WWOX: variants seen among roughly 807,000 people sequenced by gnomAD.
WWOX encodes the protein WW domain-containing oxidoreductase.
In WWOX, 69 loss-of-function variants were observed where a neutral mutation model predicts 46.2. The ratio of observed to expected loss-of-function variants is 1.49; its 90% CI spans 1.23 to 1.82. WWOX has a LOEUF of 1.82. Ranked by LOEUF, WWOX falls within the 40% of genes most tolerant of loss-of-function variation. The pLI is 0.00. For synonymous variants in WWOX, 359 were observed against 202.6 expected (o/e 1.77, Z -6.56); for missense variants, 919 against 542.6 (o/e 1.69, Z -6.89).
chr16:78,204,706 G>C (rs1027700895), intron 5 of WWOX, among the ~76,000 whole-genome samples: 2 of 152,114 alleles, frequency 1.3e-5, no homozygotes, highest in East Asian at 3.9e-4. Context: ...CTGCACAATC[G>C]GAGAGGCAGG....
intron 8 of WWOX, among the ~76,000 whole-genome samples, chr16:78,987,989 A>G (rs1314464375): frequency 6.6e-6 from 1 of 152,030 alleles, no homozygotes; most frequent in Non-Finnish European, 1.5e-5. Flanking sequence ...AAGAAATTTT[A>G]ATAACAAAGG....
At chr16:78,600,211 C>G (rs2045588777) in intron 8 of WWOX, among the ~76,000 whole-genome samples, 1 of 151,948 alleles carries the variant, frequency 6.6e-6, no homozygotes, top group East Asian at 1.9e-4. Flanking sequence ...CCACCGGGGC[C>G]CTCCCACAAC....
At chr16:78,130,694 A>G (rs752282256) in intron 4 of WWOX, among the ~76,000 whole-genome samples, 4 of 152,244 alleles carry the variant, frequency 2.6e-5, no homozygotes, top group Non-Finnish European at 5.9e-5. Context: ...TATTGGACTC[A>G]CTGGCTCATA....
chr16:78,840,964 A>C (rs2052125691), intron 8 of WWOX, among the ~76,000 whole-genome samples: 1 of 152,064 alleles, frequency 6.6e-6, no homozygotes, highest in Non-Finnish European at 1.5e-5. Context: ...AAATTTGGAA[A>C]GGCATTTTGG....
intron 8 of WWOX, among the ~76,000 whole-genome samples, chr16:79,177,205 C>T (rs973072918): frequency 6.6e-6 from 1 of 152,132 alleles, no homozygotes; most frequent in Non-Finnish European, 1.5e-5. Context: ...AGAGACGTGG[C>T]AACTGACACA....
At chr16:78,286,807 T>G (rs1308578264) in intron 5 of WWOX, among the ~76,000 whole-genome samples, 1 of 85,248 alleles carries the variant, frequency 1.2e-5, no homozygotes, top group African/African-American at 4.7e-5. Flanking sequence ...CATAGAAAAG[T>G]TAAAGCTGTC....
At position 79,210,963 on chromosome 16, in the gene WWOX, A is replaced by G. The variant is rs1015386683; in HGVS notation, c.1057-645A>G. ...ATCTGGGTCAAATATGACATTTAGA[A>G]AAAGGTTTTCATGGGATCTGGATGA... On this transcript the variant is annotated intron_variant, in intron 8 of 8. Transcript: ENST00000566780. Among the ~76,000 whole-genome samples, 6 of 152,208 alleles carry G rather than the reference A, an allele frequency of 3.9e-5. No individual in the cohort carries two copies. The East Asian group carries it at 1.2e-3, about 29-fold the overall frequency.
At chr16:78,962,795 T>C (rs2046295974) in intron 8 of WWOX, among the ~76,000 whole-genome samples, 1 of 152,192 alleles carries the variant, frequency 6.6e-6, no homozygotes, top group African/African-American at 2.4e-5. Context: ...TGTTCCCCTT[T>C]CTAAGCAAGA....
At chr16:78,395,611 A>G (rs1272276632) in intron 6 of WWOX, among the ~76,000 whole-genome samples, 1 of 152,184 alleles carries the variant, frequency 6.6e-6, no homozygotes, top group African/African-American at 2.4e-5. Flanking sequence ...CTGACAACCA[A>G]GAGAAGAAGG....
chr16:79,026,925 G>A (rs916823224), intron 8 of WWOX, among the ~76,000 whole-genome samples: 2 of 151,252 alleles, frequency 1.3e-5, no homozygotes, highest in African/African-American at 4.9e-5. Flanking sequence ...CACCACGCCT[G>A]GGCGGCACGT....
intron 8 of WWOX, among the ~76,000 whole-genome samples, chr16:79,095,071 C>G (rs202129670): frequency 1.3e-5 from 2 of 152,184 alleles, no homozygotes; most frequent in Non-Finnish European, 2.9e-5. Flanking sequence ...CTCACAATTT[C>G]TTGGATATTC....
At chr16:78,786,186 A>G (rs1004499184) in intron 8 of WWOX, among the ~76,000 whole-genome samples, 1 of 152,222 alleles carries the variant, frequency 6.6e-6, no homozygotes, top group African/African-American at 2.4e-5. Flanking sequence ...CTGGGATTAC[A>G]GGCGTGAGCC....
At chr16:78,664,016 G>T (rs1476155207) in intron 8 of WWOX, among the ~76,000 whole-genome samples, 1 of 152,170 alleles carries the variant, frequency 6.6e-6, no homozygotes, top group Non-Finnish European at 1.5e-5. Context: ...TTGGGAGGTG[G>T]TAAGCAAACA....
intron 8 of WWOX, among the ~76,000 whole-genome samples, chr16:78,437,723 G>C (rs920143402): frequency 1.3e-5 from 2 of 152,144 alleles, no homozygotes; most frequent in Non-Finnish European, 2.9e-5. Context: ...TTCTAAAAAA[G>C]ATGCAATATA....
chr16:78,639,877 C>G (rs996666707), intron 8 of WWOX, among the ~76,000 whole-genome samples: 1 of 151,938 alleles, frequency 6.6e-6, no homozygotes, highest in Non-Finnish European at 1.5e-5. Context: ...AGATTGGCTT[C>G]TGTGTGAGGA....
intron 8 of WWOX, among the ~76,000 whole-genome samples, chr16:78,634,766 G>A (rs976684666): frequency 6.7e-6 from 1 of 150,336 alleles, no homozygotes; most frequent in Non-Finnish European, 1.5e-5. Context: ...TCATCTGGAC[G>A]GAATGAAGCT....
At chr16:78,473,876 ATTC>A (rs2084293193) in intron 8 of WWOX, among the ~76,000 whole-genome samples, 1 of 152,186 alleles carries the variant, frequency 6.6e-6, no homozygotes, top group African/African-American at 2.4e-5. Flanking sequence ...ACACGCTGCC[ATTC>A]TTCTTCGCCG....
intron 4 of WWOX, among the ~76,000 whole-genome samples, chr16:78,121,219 G>A (rs778155408): frequency 1.3e-5 from 2 of 152,078 alleles, no homozygotes; most frequent in Admixed American, 6.6e-5. Context: ...TGAAATAATC[G>A]AAATAACCTT....
intron 8 of WWOX, among the ~76,000 whole-genome samples, chr16:79,174,904 T>G (rs1192241689): frequency 6.6e-6 from 1 of 152,206 alleles, no homozygotes; most frequent in Non-Finnish European, 1.5e-5. Context: ...TGGTTGTCAT[T>G]TTGCAAAATG....
Sources: gnomAD v4.1 joint callset for allele counts (sites outside exome capture counted in the v4.1 genomes callset) on GRCh38, gnomAD v4.1.1 for gene constraint, MANE v1.5 for transcripts, NCBI Gene and HGNC (gene_info 2026-07-23, HGNC 2026-07-21) for gene names.